USP44: variants seen among roughly 807,000 people sequenced by gnomAD.
USP44 encodes ubiquitin specific peptidase 44, also known as ubiquitin carboxyl-terminal hydrolase 44.
A neutral mutation model predicts 69.0 loss-of-function variants in USP44; 61 were observed. That is an observed-to-expected ratio of 0.88 (90% CI 0.72 to 1.09). The LOEUF (loss-of-function observed/expected upper bound fraction) is 1.09. Among genes scored for constraint, USP44 ranks in the 50% least tolerant of loss-of-function variants. USP44 has a pLI of 0.00. For missense variants in USP44, 753 were observed against 849.9 expected (o/e 0.89, Z 1.42); for synonymous variants, 297 against 295.4 (o/e 1.01, Z -0.06).
intron 1 of USP44, among the ~76,000 whole-genome samples, chr12:95,540,833 CT>C (rs1439539171): frequency 2.6e-5 from 4 of 152,148 alleles, no homozygotes; most frequent in Non-Finnish European, 5.9e-5. Context: ...CCAAATTAAC[CT>C]TTGAGTTTGC....
chr12:95,524,368 C>T (rs2076764552), intron 4 of USP44, among the ~76,000 whole-genome samples: 1 of 151,410 alleles, frequency 6.6e-6, no homozygotes, highest in Non-Finnish European at 1.5e-5. Flanking sequence ...AGGTGTGAGC[C>T]ACCTTGCCCG....
At position 95,533,380 on chromosome 12, in the gene USP44, G is replaced by A; in HGVS notation, c.877C>T (p.His293Tyr). The stretch of plus-strand genomic sequence containing the variant: ...AAACATTGTCGAAAAATAAGTAAAT[G>A]ACTCAACACCTGAAGAACAGAATTC... ...YMNSVLQVLS[H>Y]LLIFRQCFLK... Residue 293 changes from histidine to tyrosine, a missense_variant, in exon 2 of 6, where the codon CAT (histidine) becomes TAT (tyrosine). Coordinates refer to ENST00000258499, the MANE Select transcript of USP44 (RefSeq NM_032147.5). 1.2e-6 allele frequency: 2 copies of A among 1,613,200 alleles called. No individual in the cohort carries two copies. The highest frequency in any genetic ancestry group is 1.7e-6 in the Non-Finnish European group (2 of 1,179,472).
At chr12:95,531,483 A>G (rs906749454) in intron 2 of USP44, among the ~76,000 whole-genome samples, 1 of 152,178 alleles carries the variant, frequency 6.6e-6, no homozygotes, top group Non-Finnish European at 1.5e-5. Flanking sequence ...TAGATTTCCT[A>G]TATTATATAG....
intron 4 of USP44, among the ~76,000 whole-genome samples, chr12:95,521,590 C>T (rs2076664196): frequency 6.6e-6 from 1 of 152,132 alleles, no homozygotes; most frequent in African/African-American, 2.4e-5. Context: ...CAGCCTCTGC[C>T]TCTCAGGTTC....
intron 1 of USP44, among the ~76,000 whole-genome samples, chr12:95,547,196 A>G (rs1419508182): frequency 7.2e-5 from 11 of 152,242 alleles, no homozygotes; most frequent in Admixed American, 7.2e-4. Context: ...ACTGATACAC[A>G]AAGTAGTCAA....
At chr12:95,539,241 T>C (rs2077307769) in intron 1 of USP44, among the ~76,000 whole-genome samples, 1 of 151,874 alleles carries the variant, frequency 6.6e-6, no homozygotes, top group South Asian at 2.1e-4. Flanking sequence ...TGTTTTTTTT[T>C]TTGAGACGGA....
At chr12:95,531,081 G>A (rs190281858) in intron 2 of USP44, among the ~76,000 whole-genome samples, 9 of 152,112 alleles carry the variant, frequency 5.9e-5, no homozygotes, top group East Asian at 1.9e-4. Flanking sequence ...GGAGAATGGC[G>A]TGAACCCAGC....
Position 95,522,111 on chromosome 12 carries a change from G to A in USP44, c.1734-909C>T, listed in dbSNP as rs190915688. On this transcript the variant is annotated intron_variant, in intron 4 of 5. Coordinates refer to ENST00000258499, the MANE Select transcript of USP44 (RefSeq NM_032147.5). ...ATGTGTTTATCAATATGCATAATGA[G>A]TTGGTGCTACGAGGGGAAAATAATG... The A allele has an allele frequency of 9.1e-6, 9 of 985,326 alleles. No homozygotes were observed. The African/African-American group carries it at 1.4e-4, about 15-fold the overall frequency. The allele number at this position is 985,326 out of a possible 1,614,324, so 61.0% of individuals were successfully genotyped here.
chr12:95,519,041 T>C lies in USP44; in HGVS notation c.1940-688A>G, dbSNP rs527759032. Among the ~76,000 whole-genome samples the C allele has an allele frequency of 1.4e-3, 206 of 152,336 alleles. 1 individual carries two copies. The highest frequency in any genetic ancestry group is 2.2e-3 in the Non-Finnish European group (152 of 68,028). On this transcript the variant is annotated intron_variant, in intron 5 of 5. Transcript: ENST00000258499. ...TTAATATTTTTTACTGTGAAACTTA[T>C]GGGCACATAAGCATAATGCACTTAT... is the stretch of plus-strand genomic sequence containing the variant.
intron 2 of USP44, among the ~76,000 whole-genome samples, chr12:95,532,402 A>G (rs1411548927): frequency 2.0e-5 from 3 of 151,974 alleles, no homozygotes; most frequent in Non-Finnish European, 4.4e-5. Flanking sequence ...TCCTGACTTC[A>G]GCTGATCTAC....
At chr12:95,524,133 T>A (rs982317022) in intron 4 of USP44, among the ~76,000 whole-genome samples, 1 of 151,986 alleles carries the variant, frequency 6.6e-6, no homozygotes, top group African/African-American at 2.4e-5. Flanking sequence ...CAGGCTGGAG[T>A]GCAACAGTGC....
At chr12:95,541,113 A>G (rs958398695) in intron 1 of USP44, among the ~76,000 whole-genome samples, 8 of 152,222 alleles carry the variant, frequency 5.3e-5, no homozygotes, top group Admixed American at 4.6e-4. Flanking sequence ...CCCCGTCTCT[A>G]CTAAAAATAC....
intron 1 of USP44, among the ~76,000 whole-genome samples, chr12:95,540,452 C>T (rs996880734): frequency 6.6e-6 from 1 of 151,038 alleles, no homozygotes; most frequent in African/African-American, 2.4e-5. Flanking sequence ...AAGTGATTCT[C>T]CTGCCTCAGC....
Position 95,518,361 on chromosome 12 carries a change from G to A in USP44, c.1940-8C>T, listed in dbSNP as rs369028966. ...TGCAGTGTACCCAGAACCCTAGAGT[G>A]AAGCACAGAAATACATTTATGAAGG... On this transcript the variant is annotated splice_region_variant and splice_polypyrimidine_tract_variant and intron_variant, in intron 5 of 5. Coordinates refer to ENST00000258499, the MANE Select transcript of USP44 (RefSeq NM_032147.5). 1.9e-5 allele frequency: 30 copies of A among 1,613,224 alleles called. No individual in the cohort carries two copies. The African/African-American group carries it at 3.7e-4, about 20-fold the overall frequency.
chr12:95,518,081 G>A lies in USP44; in HGVS notation c.*73C>T. 2.0e-6 allele frequency: 3 copies of A among 1,515,592 alleles called. No homozygotes were observed. The highest frequency in any genetic ancestry group is 1.2e-5 in the South Asian group (1 of 83,232). 93.9% of individuals were successfully genotyped at this position (1,515,592 alleles called of 1,614,324 possible). A position where few individuals can be genotyped will look rare whatever the true frequency, so the allele number is the denominator to read the frequency against. ...ACACTGATTCACAAGAAAAAATGAA[G>A]TTTAAAATGGTACATCAGTCTTTTA... On this transcript the variant is annotated 3_prime_UTR_variant, in exon 6 of 6. Coordinates refer to ENST00000258499, the MANE Select transcript of USP44 (RefSeq NM_032147.5).
chr12:95,549,582 A>T (rs2140411034), intron 1 of USP44, among the ~76,000 whole-genome samples: 1 of 152,334 alleles, frequency 6.6e-6, no homozygotes, highest in Admixed American at 6.5e-5. Flanking sequence ...AAGCAGTTCT[A>T]CTTTGGCCAC....
intron 1 of USP44, among the ~76,000 whole-genome samples, chr12:95,541,450 G>A (rs2077386467): frequency 6.6e-6 from 1 of 151,988 alleles, no homozygotes; most frequent in Non-Finnish European, 1.5e-5. Context: ...ACAGTTGCGT[G>A]TGCCTATAAG....
At chr12:95,530,949 G>C (rs144624456) in intron 2 of USP44, among the ~76,000 whole-genome samples, 5,064 of 152,244 alleles carry the variant, frequency 0.033, 279 homozygotes, top group African/African-American at 0.11. Flanking sequence ...TGGATCACAA[G>C]GTCAGGAGAT....
intron 4 of USP44, among the ~76,000 whole-genome samples, chr12:95,521,551 G>A (rs1184059803): frequency 6.6e-6 from 1 of 152,202 alleles, no homozygotes; most frequent in Non-Finnish European, 1.5e-5. Flanking sequence ...ACCTAGGCTG[G>A]AGTGCAGTGG....
Sources: allele counts gnomAD v4.1 joint callset (sites outside exome capture counted in the v4.1 genomes callset), GRCh38; gene constraint gnomAD v4.1.1; transcripts MANE v1.5; gene names NCBI Gene and HGNC (gene_info 2026-07-23, HGNC 2026-07-21).